SEMA3D: variants seen among roughly 807,000 people sequenced by gnomAD.
SEMA3D encodes semaphorin 3D.
SEMA3D carries 84 observed loss-of-function variants against 100.1 expected under a neutral mutation model. That is an observed-to-expected ratio of 0.84 (90% CI 0.70 to 1.01). SEMA3D has a LOEUF of 1.01. Among genes scored for constraint, SEMA3D ranks in the 50% least tolerant of loss-of-function variants. The pLI, the probability that SEMA3D is intolerant of heterozygous loss-of-function variation, is 0.00. For missense variants in SEMA3D, 875 were observed against 934.1 expected (o/e 0.94, Z 0.82); for synonymous variants, 312 against 320.7 (o/e 0.97, Z 0.29).
Position 85,132,562 on chromosome 7 carries a change from A to G in SEMA3D, c.-40-10631T>C, listed in dbSNP as rs184093087. ...ATTTCTGGTGGTTCTAACATGGACT[A>G]TTAAAAGAACATATTAAAAAATACA... On this transcript the variant is annotated intron_variant, in intron 2 of 18. Coordinates refer to ENST00000284136, the MANE Select transcript of SEMA3D (RefSeq NM_001384900.1). Among the ~76,000 whole-genome samples, 654 of 152,034 alleles carry G rather than the reference A, an allele frequency of 4.3e-3. 6 individuals are homozygous for G. The highest frequency in any genetic ancestry group is 0.015 in the African/African-American group (642 of 41,544).
chr7:85,062,952 G>C (rs1791516887), intron 8 of SEMA3D, among the ~76,000 whole-genome samples: 1 of 152,134 alleles, frequency 6.6e-6, no homozygotes, highest in Admixed American at 6.5e-5. Flanking sequence ...TAAAGAGATA[G>C]TAGAGAATCA....
chr7:85,216,904 G>T, the SEMA3D span, among the ~76,000 whole-genome samples: 1 of 150,510 alleles, frequency 6.6e-6, no homozygotes, highest in Admixed American at 6.6e-5. Context: ...TAAGCTTCAG[G>T]CTCCAAAAAA....
At chr7:85,234,236 A>G in the SEMA3D span, among the ~76,000 whole-genome samples, 3 of 152,290 alleles carry the variant, frequency 2.0e-5, no homozygotes, top group South Asian at 6.2e-4. Flanking sequence ...GGGCTTAATA[A>G]CTAATTTTTA....
intron 6 of SEMA3D, among the ~76,000 whole-genome samples, chr7:85,071,868 C>T (rs1275460555): frequency 6.6e-6 from 1 of 152,128 alleles, no homozygotes; most frequent in African/African-American, 2.4e-5. Context: ...CATGACTGTA[C>T]TTACATAAAC....
At chr7:85,141,649 C>A (rs1426983068) in intron 2 of SEMA3D, 1 of 983,954 alleles carries the variant, frequency 1.0e-6, no homozygotes, top group Non-Finnish European at 1.2e-6. Flanking sequence ...CAGAGCAAAT[C>A]TAAATAAGAA....
At chr7:85,226,710 A>G in the SEMA3D span, among the ~76,000 whole-genome samples, 1 of 152,154 alleles carries the variant, frequency 6.6e-6, no homozygotes, top group African/African-American at 2.4e-5. Flanking sequence ...CTTCATATAT[A>G]AGAAATGTCT....
chr7:85,057,417 G>A (rs765455366), intron 8 of SEMA3D, among the ~76,000 whole-genome samples: 99 of 152,166 alleles, frequency 6.5e-4, no homozygotes, highest in Non-Finnish European at 2.6e-4. Context: ...ACAGAGCACT[G>A]ACTTTTTAAG....
At chr7:85,198,791 T>G in the SEMA3D span, among the ~76,000 whole-genome samples, 3 of 151,088 alleles carry the variant, frequency 2.0e-5, no homozygotes, top group Non-Finnish European at 3.0e-5. Context: ...TTTTAAAATT[T>G]ATTAACATTT....
chr7:85,043,234 C>G (rs929695141), intron 9 of SEMA3D, among the ~76,000 whole-genome samples: 14 of 152,132 alleles, frequency 9.2e-5, no homozygotes, highest in African/African-American at 3.4e-4. Flanking sequence ...TGGGGTGTCC[C>G]TGTAATCCCC....
chr7:85,015,128 C>T lies in SEMA3D; in HGVS notation c.1634G>A (p.Cys545Tyr). Residue 545 changes from cysteine to tyrosine, a missense_variant, in exon 16 of 19, where the codon TGT (cysteine) becomes TAT (tyrosine). Physicochemically the swap from Cys to Tyr is radical, Grantham distance 194. Transcript: ENST00000284136. ...DTYGKACADCCLARDPYCAWD... is the reference protein window; with the variant it reads ...DTYGKACADCYLARDPYCAWD... ...GGCACAGTAGGGGTCTCTGGCAAGA[C>T]AACAGTCTGCGCAAGCTTTCCCATA... The T allele has an allele frequency of 6.2e-7, 1 of 1,611,822 alleles. No individual in the cohort carries two copies. Among genetic ancestry groups the T allele is most frequent in the Non-Finnish European group, 8.5e-7 (1 of 1,178,526 alleles).
intron 4 of SEMA3D, among the ~76,000 whole-genome samples, chr7:85,082,557 A>G (rs1291268573): frequency 3.3e-5 from 5 of 152,192 alleles, no homozygotes; most frequent in Non-Finnish European, 7.3e-5. Context: ...ATAGACTTTT[A>G]TTATGTTTCT....
In SEMA3D at chr7:84,999,535, C is replaced by A. The variant is rs758066024; in HGVS notation, c.2239G>T (p.Gly747Cys). Residue 747 changes from glycine (G) to cysteine (C), a missense_variant, in exon 19 of 19, where the codon GGC (glycine) becomes TGC (cysteine). Gly to Cys is a radical substitution (Grantham distance 159). Transcript: ENST00000284136. The stretch of plus-strand genomic sequence containing the variant: ...TCCTGCATGTGCTTCCACTTTGGGC[C>A]CCCCTTGTTTCTCTGTCTCCGCTTC... ...REKRRQRNKG[G>C]PKWKHMQEMK... 6.2e-7 allele frequency: 1 copy of A among 1,614,012 alleles called. No homozygotes were observed. The highest frequency in any genetic ancestry group is 1.7e-5 in the Admixed American group (1 of 59,984).
intron 1 of SEMA3D, among the ~76,000 whole-genome samples, chr7:85,164,978 A>G (rs1236181088): frequency 7.6e-6 from 1 of 131,530 alleles, no homozygotes; most frequent in Non-Finnish European, 1.6e-5. Context: ...TATATCTCCT[A>G]ATGCTATCCC....
chr7:85,189,349 C>T (rs187123253), upstream of SEMA3D, among the ~76,000 whole-genome samples: 7 of 151,988 alleles, frequency 4.6e-5, no homozygotes, highest in East Asian at 1.9e-4. Context: ...TGTATAGGGT[C>T]CCACCAAGAT....
At chr7:85,237,297 T>A in the SEMA3D span, among the ~76,000 whole-genome samples, 1 of 152,272 alleles carries the variant, frequency 6.6e-6, no homozygotes, top group African/African-American at 2.4e-5. Context: ...CAAATTGTTG[T>A]CAAAGCCCAT....
the SEMA3D span, among the ~76,000 whole-genome samples, chr7:85,243,279 T>A: frequency 6.6e-6 from 1 of 152,194 alleles, no homozygotes; most frequent in Non-Finnish European, 1.5e-5. Flanking sequence ...CACAAAACTT[T>A]TTTTTCTCTG....
At chr7:85,128,485 T>C (rs948345795) in intron 2 of SEMA3D, among the ~76,000 whole-genome samples, 8 of 152,098 alleles carry the variant, frequency 5.3e-5, no homozygotes, top group African/African-American at 1.7e-4. Context: ...GTTTTTATTA[T>C]TGAGATATGC....
intron 1 of SEMA3D, chr7:85,159,924 T>C (rs1790698664): frequency 2.0e-6 from 2 of 984,890 alleles, no homozygotes; most frequent in African/African-American, 3.5e-5. Flanking sequence ...GAAGAGAGAA[T>C]GACCAACTAG....
At chr7:85,205,142 TTC>T in the SEMA3D span, among the ~76,000 whole-genome samples, 3 of 152,122 alleles carry the variant, frequency 2.0e-5, no homozygotes, top group Non-Finnish European at 2.9e-5. Context: ...ACTATTTGCT[TTC>T]TCATTATTGA....
Sources: allele counts gnomAD v4.1 joint callset (sites outside exome capture counted in the v4.1 genomes callset), GRCh38; gene constraint gnomAD v4.1.1; transcripts MANE v1.5; gene names NCBI Gene and HGNC (gene_info 2026-07-23, HGNC 2026-07-21).